GABRB1: variants seen among roughly 807,000 people sequenced by gnomAD.
The protein encoded by GABRB1 is gamma-aminobutyric acid receptor subunit beta-1.
A neutral mutation model predicts 51.6 loss-of-function variants in GABRB1; 17 were observed. The observed-to-expected ratio is 0.33, with a 90% CI of 0.23 to 0.49. The LOEUF is 0.49. Among genes scored for constraint, GABRB1 ranks in the 20% least tolerant of loss-of-function variants. The probability of loss-of-function intolerance (pLI) is 0.99; values close to 1 mark genes in which losing one functional copy is unlikely to be tolerated. For synonymous variants in GABRB1, 247 were observed against 218.9 expected (o/e 1.13, Z -1.14); for missense variants, 410 against 600.6 (o/e 0.68, Z 3.32).
intron 4 of GABRB1, among the ~76,000 whole-genome samples, chr4:47,265,167 T>C (rs35969923): frequency 0.22 from 33,147 of 152,124 alleles, 4,554 homozygotes; most frequent in Middle Eastern, 0.46. Flanking sequence ...GTGTACACAT[T>C]ATTTAGCTCC....
intron 5 of GABRB1, among the ~76,000 whole-genome samples, chr4:47,396,872 A>C (rs183927023): frequency 8.5e-5 from 13 of 152,350 alleles, no homozygotes; most frequent in African/African-American, 1.2e-4. Context: ...TAAGGCAAAA[A>C]GGAGTATCTT....
intron 5 of GABRB1, among the ~76,000 whole-genome samples, chr4:47,392,243 GTGACTTCTTC>G (rs1668061789): frequency 6.6e-6 from 1 of 152,020 alleles, no homozygotes; most frequent in Admixed American, 6.5e-5. Context: ...CAAAAGAGAG[GTGACTTCTTC>G]AATTGCCCTG....
chr4:47,230,256 G>T (rs1176940698), intron 4 of GABRB1, among the ~76,000 whole-genome samples: 1 of 152,142 alleles, frequency 6.6e-6, no homozygotes, highest in Non-Finnish European at 1.5e-5. Context: ...AAGGAAGAAA[G>T]CTGAGTCTTG....
intron 4 of GABRB1, among the ~76,000 whole-genome samples, chr4:47,289,303 A>C (rs1208476701): frequency 2.0e-5 from 3 of 152,212 alleles, no homozygotes; most frequent in Non-Finnish European, 2.9e-5. Context: ...CTCACTCAGA[A>C]AGGAAAAAGT....
intron 5 of GABRB1, among the ~76,000 whole-genome samples, chr4:47,349,689 A>T (rs546726880): frequency 6.6e-6 from 1 of 152,358 alleles, no homozygotes; most frequent in East Asian, 1.9e-4. Context: ...CATAGTATGT[A>T]TAAGGTTAGG....
At chr4:47,227,424 T>A (rs1452245439) in intron 4 of GABRB1, among the ~76,000 whole-genome samples, 1 of 152,114 alleles carries the variant, frequency 6.6e-6, no homozygotes, top group Non-Finnish European at 1.5e-5. Flanking sequence ...AGAAACAGAC[T>A]CTAAGATGGA....
At chr4:47,142,572 C>A (rs954639516) in intron 3 of GABRB1, among the ~76,000 whole-genome samples, 1 of 151,702 alleles carries the variant, frequency 6.6e-6, no homozygotes, top group Non-Finnish European at 1.5e-5. Flanking sequence ...TACTCCAACC[C>A]GATGTGAAAA....
chr4:47,218,690 T>C (rs946807461), intron 4 of GABRB1, among the ~76,000 whole-genome samples: 11 of 151,862 alleles, frequency 7.2e-5, no homozygotes, highest in East Asian at 1.9e-4. Flanking sequence ...TCCAGTGCTT[T>C]GAAAGGAAGG....
intron 4 of GABRB1, among the ~76,000 whole-genome samples, chr4:47,228,340 A>G (rs375127886): frequency 2.6e-5 from 4 of 152,078 alleles, no homozygotes; most frequent in South Asian, 4.1e-4. Context: ...CATAAGATAG[A>G]CATTCTTATT....
At chr4:47,006,874 G>T (rs1013741715) in intron 1 of GABRB1, among the ~76,000 whole-genome samples, 2 of 152,164 alleles carry the variant, frequency 1.3e-5, no homozygotes, top group Non-Finnish European at 2.9e-5. Context: ...TAAACTTTAG[G>T]CTGGGGATGG....
chr4:47,044,199 C>T (rs1725985148), intron 3 of GABRB1, among the ~76,000 whole-genome samples: 1 of 152,036 alleles, frequency 6.6e-6, no homozygotes, highest in African/African-American at 2.4e-5. Flanking sequence ...CCATTCTCTG[C>T]TTGTGTAACA....
chr4:46,993,790 T>C (rs1577805434), exon 1 of GABRB1: 1 of 217,078 alleles, frequency 4.6e-6, no homozygotes. Flanking sequence ...GAACGGGGTC[T>C]CTCGCCCCTC....
chr4:47,222,907 TTC>T (rs1720815470), intron 4 of GABRB1, among the ~76,000 whole-genome samples: 3 of 152,134 alleles, frequency 2.0e-5, no homozygotes, highest in Admixed American at 1.3e-4. Context: ...AAAAATTCAT[TTC>T]TCTCTTAGGT....
chr4:47,308,752 G>A (rs959934954), intron 4 of GABRB1, among the ~76,000 whole-genome samples: 2 of 152,054 alleles, frequency 1.3e-5, no homozygotes, highest in Non-Finnish European at 2.9e-5. Context: ...TAGTTATCCT[G>A]TACTTACTGA....
At chr4:47,420,943 A>AACACAC (rs71654875) in intron 8 of GABRB1, among the ~76,000 whole-genome samples, 3,608 of 141,000 alleles carry the variant, frequency 0.026, 102 homozygotes, top group East Asian at 0.16. Flanking sequence ...TACACACACA[A>AACACAC]ACACACACAC....
rs78614578 is a variant in GABRB1 at position 47,074,613 on chromosome 4, C to T, written c.240+42129C>T. Among the ~76,000 whole-genome samples, 54 of 152,138 alleles carry T rather than the reference C, an allele frequency of 3.5e-4. 1 individual carries two copies. In the East Asian group the frequency reaches 7.7e-3, roughly 22 times the overall value. ...GGATGTGCTCAATGATCATTAGCTC[C>T]GTTATAATATTATTGCTATTATGAC... On this transcript the variant is annotated intron_variant, in intron 3 of 8. Transcript: ENST00000295454.
intron 4 of GABRB1, among the ~76,000 whole-genome samples, chr4:47,187,193 G>T (rs1719215803): frequency 9.2e-5 from 14 of 151,796 alleles, no homozygotes; most frequent in Admixed American, 9.2e-4. Context: ...ACCTAAGCAA[G>T]TTTATACTGA....
intron 3 of GABRB1, among the ~76,000 whole-genome samples, chr4:47,160,576 A>G (rs1373738765): frequency 6.6e-6 from 1 of 152,104 alleles, no homozygotes; most frequent in Non-Finnish European, 1.5e-5. Context: ...ACAGAACTGT[A>G]ATATAATGTC....
intron 3 of GABRB1, among the ~76,000 whole-genome samples, chr4:47,144,147 C>T (rs1717054989): frequency 6.6e-6 from 1 of 151,812 alleles, no homozygotes; most frequent in African/African-American, 2.4e-5. Flanking sequence ...AGAAGAAGTG[C>T]CAAATGATAA....
Sources: gnomAD v4.1 joint callset for allele counts (sites outside exome capture counted in the v4.1 genomes callset) on GRCh38, gnomAD v4.1.1 for gene constraint, MANE v1.5 for transcripts, NCBI Gene and HGNC (gene_info 2026-07-23, HGNC 2026-07-21) for gene names.